CCDC148: variants seen among roughly 807,000 people sequenced by gnomAD.
CCDC148 encodes the protein coiled-coil domain containing 148.
A neutral mutation model predicts 85.7 loss-of-function variants in CCDC148; 89 were observed. That is an observed-to-expected ratio of 1.04 (90% CI 0.87 to 1.24). CCDC148 has a LOEUF of 1.24. Ranked by LOEUF, CCDC148 falls within the 50% of genes most tolerant of loss-of-function variation. The pLI, the probability that CCDC148 is intolerant of heterozygous loss-of-function variation, is 0.00. For synonymous variants in CCDC148, 230 were observed against 213.9 expected (o/e 1.08, Z -0.66); for missense variants, 692 against 671.7 (o/e 1.03, Z -0.33).
At chr2:158,252,555 C>A (rs1688836682) in intron 9 of CCDC148, among the ~76,000 whole-genome samples, 1 of 151,708 alleles carries the variant, frequency 6.6e-6, no homozygotes, top group African/African-American at 2.4e-5. Context: ...TTCTCCATTC[C>A]TTGACCTCAT....
At chr2:158,235,792 C>T (rs1214868580) in intron 10 of CCDC148, 3 of 152,108 alleles carry the variant, frequency 2.0e-5, no homozygotes, top group Non-Finnish European at 2.9e-5. Context: ...GGACAACCGA[C>T]AAAGGAGGGT....
intron 1 of CCDC148, among the ~76,000 whole-genome samples, chr2:158,420,579 C>T (rs929608209): frequency 6.6e-6 from 1 of 151,920 alleles, no homozygotes; most frequent in Admixed American, 6.6e-5. Context: ...CAAGAGCTCC[C>T]AAAGGAAGCA....
chr2:158,272,233 C>T (rs938264319), intron 9 of CCDC148, among the ~76,000 whole-genome samples: 1 of 152,092 alleles, frequency 6.6e-6, no homozygotes, highest in Non-Finnish European at 1.5e-5. Flanking sequence ...CAATTTCAGA[C>T]TTAAGAATCA....
chr2:158,386,444 A>G (rs115234061), intron 1 of CCDC148, among the ~76,000 whole-genome samples: 1,879 of 152,272 alleles, frequency 0.012, 28 homozygotes, highest in African/African-American at 0.038. Context: ...TTCCCGGTAC[A>G]TGAAGGCAAA....
At chr2:158,443,498 T>A in intron 1 of CCDC148, among the ~76,000 whole-genome samples, 1 of 3,212 alleles carries the variant, frequency 3.1e-4, no homozygotes, top group Admixed American at 9.1e-3. Flanking sequence ...AGCAAGTCTA[T>A]CTCAAAAAAA....
At chr2:158,354,028 A>G (rs1683479215) in intron 2 of CCDC148, among the ~76,000 whole-genome samples, 1 of 152,032 alleles carries the variant, frequency 6.6e-6, no homozygotes, top group African/African-American at 2.4e-5. Flanking sequence ...TTTGAAACCA[A>G]TGAGAACAAA....
chr2:158,336,214 TTG>T (rs1435129171), intron 7 of CCDC148, among the ~76,000 whole-genome samples: 2 of 152,166 alleles, frequency 1.3e-5, no homozygotes, highest in African/African-American at 4.8e-5. Context: ...CTATAATTCA[TTG>T]TCTTAGGTAG....
At chr2:158,374,377 T>C (rs1684570595) in intron 1 of CCDC148, among the ~76,000 whole-genome samples, 1 of 152,052 alleles carries the variant, frequency 6.6e-6, no homozygotes, top group African/African-American at 2.4e-5. Flanking sequence ...GGAGATTCTA[T>C]GCATAGTAGA....
intron 7 of CCDC148, among the ~76,000 whole-genome samples, chr2:158,332,033 G>A (rs936445934): frequency 2.6e-5 from 4 of 152,034 alleles, no homozygotes; most frequent in African/African-American, 4.8e-5. Flanking sequence ...TTATGTGTGA[G>A]TTTGATCCTG....
rs1553521584 is a variant in CCDC148 at position 158,433,091 on chromosome 2, A to AATATATATATAT, written c.25+23312_25+23323dup. ...CATCTCTACAAAAAAAAAAAAAAAA[A>AATATATATATAT]ATATATATATATATATATATGACTT... On this transcript the variant is annotated intron_variant, in intron 1 of 13. Transcript: ENST00000283233. 2.1e-3 allele frequency among the ~76,000 whole-genome samples: 109 copies of AATATATATATAT among 51,318 alleles called. 2 individuals are homozygous for AATATATATATAT. Among genetic ancestry groups the AATATATATATAT allele is most frequent in the East Asian group, 0.014 (24 of 1,658 alleles). 33.7% of individuals were successfully genotyped at this position (51,318 alleles called of 152,430 possible). A position where few individuals can be genotyped will look rare whatever the true frequency, so the allele number is the denominator to read the frequency against.
rs368953380 is a variant in CCDC148 at position 158,410,485 on chromosome 2, G to A, written c.25+45930C>T. Among the ~76,000 whole-genome samples the A allele has an allele frequency of 7.2e-5, 11 of 151,926 alleles. No individual in the cohort carries two copies. In the East Asian group the frequency reaches 1.5e-3, roughly 21 times the overall value. On this transcript the variant is annotated intron_variant, in intron 1 of 13. Coordinates refer to ENST00000283233, the MANE Select transcript of CCDC148 (RefSeq NM_138803.4). Reference sequence around the variant, plus strand: ...TACGACATGATTTTTGTAGTAATTTGGTTTGATCCTTCTCTCATATCTTTT... The same window carrying A: ...TACGACATGATTTTTGTAGTAATTTAGTTTGATCCTTCTCTCATATCTTTT...
At chr2:158,440,814 A>G (rs1035732708) in intron 1 of CCDC148, among the ~76,000 whole-genome samples, 4 of 152,214 alleles carry the variant, frequency 2.6e-5, no homozygotes, top group African/African-American at 9.6e-5. Flanking sequence ...CTAATGTTGA[A>G]CAAACTGAAT....
chr2:158,370,240 A>T (rs1330079440), intron 1 of CCDC148, among the ~76,000 whole-genome samples: 1 of 152,084 alleles, frequency 6.6e-6, no homozygotes, highest in Admixed American at 6.6e-5. Flanking sequence ...GCACATATTT[A>T]CCTATGTAAC....
chr2:158,436,990 T>G (rs187407831), intron 1 of CCDC148, among the ~76,000 whole-genome samples: 2 of 152,004 alleles, frequency 1.3e-5, no homozygotes, highest in Non-Finnish European at 2.9e-5. Context: ...AATTAATAGC[T>G]TACAAACCAA....
At chr2:158,424,626 T>C (rs561530027) in intron 1 of CCDC148, 1 of 158,106 alleles carries the variant, frequency 6.3e-6, no homozygotes, top group African/African-American at 2.4e-5. Flanking sequence ...ACATGACGAG[T>C]TAATGGGTGC....
intron 1 of CCDC148, among the ~76,000 whole-genome samples, chr2:158,361,130 G>A (rs1395829583): frequency 1.3e-5 from 2 of 151,764 alleles, no homozygotes; most frequent in African/African-American, 2.4e-5. Context: ...AGAGAAAAGA[G>A]AATGAAAAGG....
At chr2:158,343,252 G>A (rs1290217553) in intron 3 of CCDC148, among the ~76,000 whole-genome samples, 1 of 152,106 alleles carries the variant, frequency 6.6e-6, no homozygotes, top group African/African-American at 2.4e-5. Flanking sequence ...ACAGAATCCT[G>A]TAGAAAAAGG....
At chr2:158,290,881 T>C (rs1367189030) in intron 9 of CCDC148, among the ~76,000 whole-genome samples, 1 of 151,980 alleles carries the variant, frequency 6.6e-6, no homozygotes, top group Non-Finnish European at 1.5e-5. Flanking sequence ...GTAGAAACCT[T>C]TCATTTCTTT....
chr2:158,408,238 T>C (rs1686108506), intron 1 of CCDC148, among the ~76,000 whole-genome samples: 1 of 152,272 alleles, frequency 6.6e-6, no homozygotes, highest in South Asian at 2.1e-4. Context: ...TTTTCTGTGG[T>C]GAGAACACTT....
Sources: gnomAD v4.1 joint callset for allele counts (sites outside exome capture counted in the v4.1 genomes callset) on GRCh38, gnomAD v4.1.1 for gene constraint, MANE v1.5 for transcripts, NCBI Gene and HGNC (gene_info 2026-07-23, HGNC 2026-07-21) for gene names.